Variants in SEC14L1 observed in about 807,000 individuals in gnomAD.
The protein encoded by SEC14L1 is SEC14-like protein 1.
In SEC14L1, 48 loss-of-function variants were observed where a neutral mutation model predicts 85.3. That is an observed-to-expected ratio of 0.56 (90% CI 0.45 to 0.72). The LOEUF (loss-of-function observed/expected upper bound fraction) is 0.72. Ranked by LOEUF, SEC14L1 falls within the 30% of genes least tolerant of loss-of-function variation. The pLI is 0.00. For missense variants in SEC14L1, 682 were observed against 921.4 expected (o/e 0.74, Z 3.36); for synonymous variants, 391 against 355.5 (o/e 1.10, Z -1.12).
chr17:77,128,708 C>T (rs1361514820), intron 3 of SEC14L1, among the ~76,000 whole-genome samples: 1 of 151,986 alleles, frequency 6.6e-6, no homozygotes, highest in African/African-American at 2.4e-5. Flanking sequence ...CCTGCCTCGG[C>T]CTCCCAAAGT....
At chr17:77,208,422 G>T (rs1006581927) in intron 13 of SEC14L1, among the ~76,000 whole-genome samples, 1 of 152,198 alleles carries the variant, frequency 6.6e-6, no homozygotes, top group Non-Finnish European at 1.5e-5. Context: ...AGCCCAAGGA[G>T]ACCTGCCTCA....
intron 3 of SEC14L1, among the ~76,000 whole-genome samples, chr17:77,180,041 TTGTTTTGTTATGTTATGTTA>T (rs201529002): frequency 0.061 from 8,312 of 137,024 alleles, 290 homozygotes; most frequent in South Asian, 0.12. Flanking sequence ...ATGTTATGTT[TTGTTTTGTTATGTTATGTTA>T]TGTTATGTTA....
At chr17:77,100,205 A>G (rs915426225) in intron 3 of SEC14L1, among the ~76,000 whole-genome samples, 3 of 152,120 alleles carry the variant, frequency 2.0e-5, no homozygotes, top group African/African-American at 7.2e-5. Flanking sequence ...TCTTCCTGGT[A>G]GATGTGGACT....
At chr17:77,144,207 G>C (rs916058218) in intron 3 of SEC14L1, among the ~76,000 whole-genome samples, 3 of 151,988 alleles carry the variant, frequency 2.0e-5, no homozygotes, top group Non-Finnish European at 4.4e-5. Flanking sequence ...TTAGATTACC[G>C]TAGGGTATTT....
intron 7 of SEC14L1, 99 bp downstream of exon 7, chr17:77,195,010 AT>A: frequency 1.2e-6 from 1 of 819,300 alleles, no homozygotes; most frequent in Non-Finnish European, 2.0e-6. Flanking sequence ...TCCTTGGAAC[AT>A]TAGATAACTC....
intron 3 of SEC14L1, chr17:77,185,171 T>G (rs963806446): frequency 2.0e-6 from 2 of 980,976 alleles, no homozygotes; most frequent in Admixed American, 6.1e-5. Context: ...ATTGAAGTCC[T>G]CGTTCTCCTG....
At chr17:77,131,350 A>G (rs1262567722) in intron 3 of SEC14L1, among the ~76,000 whole-genome samples, 1 of 152,012 alleles carries the variant, frequency 6.6e-6, no homozygotes, top group African/African-American at 2.4e-5. Flanking sequence ...GCTCACTGCA[A>G]CCTCTGCCTC....
chr17:77,190,453 T>C (rs573535006), intron 3 of SEC14L1, among the ~76,000 whole-genome samples: 1 of 152,360 alleles, frequency 6.6e-6, no homozygotes, highest in East Asian at 1.9e-4. Flanking sequence ...GACTGATTCT[T>C]CCCAGTTTAT....
chr17:77,098,607 T>C (rs962050532), intron 3 of SEC14L1, among the ~76,000 whole-genome samples: 1 of 151,986 alleles, frequency 6.6e-6, no homozygotes, highest in African/African-American at 2.4e-5. Context: ...TGTCCTGCAG[T>C]ATTTGGAAGT....
At chr17:77,210,397 AG>A (rs959110491) in intron 14 of SEC14L1, 1 of 152,610 alleles carries the variant, frequency 6.6e-6, no homozygotes, top group Non-Finnish European at 1.5e-5. Context: ...CGTGGCCCAG[AG>A]TTGTTGGAGA....
intron 3 of SEC14L1, among the ~76,000 whole-genome samples, chr17:77,156,688 CTCTAA>C (rs1363640552): frequency 2.7e-5 from 4 of 149,294 alleles, no homozygotes; most frequent in Admixed American, 6.6e-5. Flanking sequence ...TTTTTTTTTA[CTCTAA>C]TCCCATGACA....
At chr17:77,106,583 C>T (rs1327202868) in intron 3 of SEC14L1, among the ~76,000 whole-genome samples, 1 of 148,702 alleles carries the variant, frequency 6.7e-6, no homozygotes, top group Non-Finnish European at 1.5e-5. Context: ...GGTGGATCAC[C>T]TGAGGTCAGG....
chr17:77,120,053 T>G (rs982253630), intron 3 of SEC14L1, among the ~76,000 whole-genome samples: 1 of 152,088 alleles, frequency 6.6e-6, no homozygotes, highest in African/African-American at 2.4e-5. Context: ...GACTGGAGAT[T>G]AGACTGACAA....
Position 77,089,788 on chromosome 17 carries a change from G to A in SEC14L1, c.-240+517G>A, listed in dbSNP as rs181600083. ...CCCAGCACTTTGGGAGGCCGAGGCGGGTGGATCACCTGATGTCAGGAGTTC... is the reference window on the plus strand; with the variant it reads ...CCCAGCACTTTGGGAGGCCGAGGCGAGTGGATCACCTGATGTCAGGAGTTC... On this transcript the variant is annotated intron_variant, in intron 2 of 19. Transcript: ENST00000392476. 295 of 208,086 alleles carry A rather than the reference G, an allele frequency of 1.4e-3. 2 individuals are homozygous for A. The highest frequency in any genetic ancestry group is 2.0e-3 in the Non-Finnish European group (206 of 101,274). 12.9% of individuals were successfully genotyped at this position (208,086 alleles called of 1,614,324 possible). A position where few individuals can be genotyped will look rare whatever the true frequency, so the allele number is the denominator to read the frequency against.
chr17:77,176,706 C>A (rs901161011), intron 3 of SEC14L1, among the ~76,000 whole-genome samples: 3 of 152,186 alleles, frequency 2.0e-5, no homozygotes, highest in Non-Finnish European at 2.9e-5. Flanking sequence ...CCTGCCTCAG[C>A]CTTCTGAGTA....
intron 3 of SEC14L1, among the ~76,000 whole-genome samples, chr17:77,135,840 C>A (rs763446281): frequency 2.7e-4 from 41 of 150,374 alleles, no homozygotes; most frequent in Non-Finnish European, 5.0e-4. Context: ...GCGCCTCTCT[C>A]TCTCTCTTTC....
rs1398096144 is a variant in SEC14L1, at chr17:77,215,840, A to G, written c.*1817A>G. The G allele has an allele frequency of 6.4e-6, 6 of 940,138 alleles. No individual in the cohort carries two copies. The highest frequency in any genetic ancestry group is 1.2e-4 in the East Asian group (1 of 8,542). The allele number at this position is 940,138 out of a possible 1,614,324, so 58.2% of individuals were successfully genotyped here. On this transcript the variant is annotated 3_prime_UTR_variant, in exon 17 of 17. Coordinates refer to ENST00000436233, the MANE Select transcript of SEC14L1 (RefSeq NM_001143998.2). ...GTAGGTAGGGTTAGTAGGTAGGGCTAGTAGGTAGGGTTAGTAGGTAGGGTT... is the reference window on the plus strand; with the variant it reads ...GTAGGTAGGGTTAGTAGGTAGGGCTGGTAGGTAGGGTTAGTAGGTAGGGTT...
At chr17:77,102,157 A>G (rs1169577144) in intron 3 of SEC14L1, among the ~76,000 whole-genome samples, 1 of 152,274 alleles carries the variant, frequency 6.6e-6, no homozygotes, top group African/African-American at 2.4e-5. Flanking sequence ...AAACGCGTTG[A>G]GCATCACAGG....
At position 77,215,679 on chromosome 17, in the gene SEC14L1, C is replaced by T. The variant is rs1440480024; in HGVS notation, c.*1656C>T. On this transcript the variant is annotated 3_prime_UTR_variant, in exon 17 of 17. Coordinates refer to ENST00000436233, the MANE Select transcript of SEC14L1 (RefSeq NM_001143998.2). The stretch of plus-strand genomic sequence containing the variant: ...GTTTGCTCTTAGAGATCGAGCTCCT[C>T]AGTGGTACCTGAAGCCTTTGCTTCC... 1 of 993,814 alleles carries T rather than the reference C, an allele frequency of 1.0e-6. No homozygotes were observed. The highest frequency in any genetic ancestry group is 1.7e-5 in the African/African-American group (1 of 57,332). The allele number at this position is 993,814 out of a possible 1,614,324, so 61.6% of individuals were successfully genotyped here.
Sources: gnomAD v4.1 joint callset for allele counts (sites outside exome capture counted in the v4.1 genomes callset) on GRCh38, gnomAD v4.1.1 for gene constraint, MANE v1.5 for transcripts, NCBI Gene and HGNC (gene_info 2026-07-23, HGNC 2026-07-21) for gene names.